CREB3L3: variants seen among roughly 807,000 people sequenced by gnomAD.
CREB3L3 encodes cAMP responsive element binding protein 3 like 3.
In CREB3L3, 40 loss-of-function variants were observed where a neutral mutation model predicts 44.6. The observed-to-expected ratio is 0.90, with a 90% CI of 0.70 to 1.17. The LOEUF is 1.17. Ranked by LOEUF, CREB3L3 falls within the 50% of genes most tolerant of loss-of-function variation. The pLI, the probability that CREB3L3 is intolerant of heterozygous loss-of-function variation, is 0.00. For synonymous variants in CREB3L3, 273 were observed against 256.3 expected, an observed-to-expected ratio of 1.06 and a Z score of -0.62; for missense variants, 578 against 595.8, an observed-to-expected ratio of 0.97 and a Z score of 0.31.
chr19:4,163,606 G>T (rs1053480149), intron 4 of CREB3L3, among the ~76,000 whole-genome samples: 2 of 151,974 alleles, frequency 1.3e-5, no homozygotes, highest in African/African-American at 4.8e-5. Context: ...CCTGCCTCCC[G>T]GGTTCAAGCG....
chr19:4,171,649 C>T lies in CREB3L3; in HGVS notation c.1073-7C>T. 1 of 1,613,336 alleles carries T rather than the reference C, an allele frequency of 6.2e-7. No homozygotes were observed. The highest frequency in any genetic ancestry group is 8.5e-7 in the Non-Finnish European group (1 of 1,179,942). On this transcript the variant is annotated splice_region_variant and splice_polypyrimidine_tract_variant and intron_variant, in intron 9 of 9. Coordinates refer to ENST00000078445, the MANE Select transcript of CREB3L3 (RefSeq NM_032607.3). The surrounding 1 kb of genome is among the most constrained non-coding windows in gnomAD (Gnocchi z 4.9). ...TGTCCCCTGTGATGCCCCCCTTCCC[C>T]AATCAGTGTTCTCCAGAACTTTGCA...
rs374532423 is a variant in CREB3L3 at position 4,170,123 on chromosome 19, C to T, written c.822-17C>T. On this transcript the variant is annotated splice_polypyrimidine_tract_variant and intron_variant, in intron 6 of 9. Coordinates refer to ENST00000078445, the MANE Select transcript of CREB3L3 (RefSeq NM_032607.3). Reference sequence around the variant, plus strand: ...GACTGGCATATGCTGAATGTCGATGCGTCTTCCTCCTTTCAGGATGTCAGC... The same window carrying T: ...GACTGGCATATGCTGAATGTCGATGTGTCTTCCTCCTTTCAGGATGTCAGC... 4.3e-6 allele frequency: 7 copies of T among 1,613,314 alleles called. No homozygotes were observed. The highest frequency in any genetic ancestry group is 1.3e-5 in the African/African-American group (1 of 74,878).
In CREB3L3 at chr19:4,155,428, G is replaced by A. The variant is rs574751200; in HGVS notation, c.156+401G>A. ...GGCTGGAGTGCAGTGGTGCCATCTC[G>A]GCTCACTGCAACCTCTGCCTCCCGG... On this transcript the variant is annotated intron_variant, in intron 2 of 9. Transcript: ENST00000078445. Among the ~76,000 whole-genome samples, 652 of 148,582 alleles carry A rather than the reference G, an allele frequency of 4.4e-3. 4 individuals are homozygous for A. Among genetic ancestry groups the A allele is most frequent in the Admixed American group, 9.8e-3 (144 of 14,692 alleles).
rs1346560025 is a variant in CREB3L3, at chr19:4,154,795, G to C, written c.28-104G>C. 3.2e-6 allele frequency: 5 copies of C among 1,555,292 alleles called. No individual in the cohort carries two copies. The African/African-American group carries it at 5.4e-5, about 17-fold the overall frequency. ...GCAGCTGGCCCAACCCGGAGGCAGA[G>C]CGGCAACTGAACTCTAGCCGGAAAG... On this transcript the variant is annotated intron_variant, in intron 1 of 9. Transcript: ENST00000078445.
At chr19:4,162,752 A>G (rs2041676024) in intron 4 of CREB3L3, among the ~76,000 whole-genome samples, 2 of 149,846 alleles carry the variant, frequency 1.3e-5, no homozygotes, top group African/African-American at 4.9e-5. Flanking sequence ...GCTGAAGTGG[A>G]CAGATTGCTT....
intron 3 of CREB3L3, among the ~76,000 whole-genome samples, chr19:4,157,849 C>CTAA (rs1310618432): frequency 6.6e-6 from 1 of 151,910 alleles, no homozygotes; most frequent in Non-Finnish European, 1.5e-5. Context: ...CCATGCCCAG[C>CTAA]TAATATTTAT....
In CREB3L3 at chr19:4,155,037, C is replaced by A; in HGVS notation, c.156+10C>A. 1 of 1,604,340 alleles carries A rather than the reference C, an allele frequency of 6.2e-7. No homozygotes were observed. The highest frequency in any genetic ancestry group is 8.5e-7 in the Non-Finnish European group (1 of 1,179,898). On this transcript the variant is annotated intron_variant, in intron 2 of 9. Transcript: ENST00000078445. ...TCACGTCAAGGACCAGGTGAGGAGT[C>A]CACTGCAGTTGCCCCGGGACCACAG...
chr19:4,157,127 C>A lies in CREB3L3; in HGVS notation c.289C>A (p.Pro97Thr). ...SGISEDLPSD[P>T]QDTPPRSGPA... The stretch of plus-strand genomic sequence containing the variant: ...CATCTCCGAAGACCTCCCCTCCGAC[C>A]CCCAGGACACCCCTCCACGCAGCGG... Residue 97 changes from proline (P) to threonine (T), a missense_variant, in exon 3 of 10, where the codon CCC (proline) becomes ACC (threonine). Pro to Thr is a conservative substitution (Grantham distance 38, BLOSUM62 -1). Transcript: ENST00000078445. 6.2e-7 allele frequency: 1 copy of A among 1,614,024 alleles called. No homozygotes were observed. Among genetic ancestry groups the A allele is most frequent in the South Asian group, 1.1e-5 (1 of 91,082 alleles).
Position 4,172,102 on chromosome 19 carries a change from A to G in CREB3L3, c.*133A>G. The stretch of plus-strand genomic sequence containing the variant: ...AGAGATGCCAGAATGGGGGAGGCAC[A>G]GCTCATAGCCACACACCCAGGGCCT... On this transcript the variant is annotated 3_prime_UTR_variant, in exon 10 of 10. Transcript: ENST00000078445. 5.1e-6 allele frequency: 5 copies of G among 975,586 alleles called. No homozygotes were observed. The highest frequency in any genetic ancestry group is 5.9e-6 in the Non-Finnish European group (4 of 678,022). The allele number at this position is 975,586 out of a possible 1,614,324, so 60.4% of individuals were successfully genotyped here.
At chr19:4,170,959 T>A (rs1427610541) in intron 7 of CREB3L3, 132 bp from the exon 8 acceptor site, 4 of 487,566 alleles carry the variant, frequency 8.2e-6, no homozygotes, top group Non-Finnish European at 1.5e-5. Flanking sequence ...ATAAAATAAA[T>A]AATAAAGAGC....
chr19:4,156,978 C>G lies in CREB3L3; in HGVS notation c.157-17C>G, dbSNP rs1273917981. On this transcript the variant is annotated splice_polypyrimidine_tract_variant and intron_variant, in intron 2 of 9. Transcript: ENST00000078445. ...GAGCACTTCCTAATTCCTACTACCC[C>G]TCCCTGTCCACCCCAGCAGGTCCTG... 2 of 1,613,898 alleles carry G rather than the reference C, an allele frequency of 1.2e-6. No individual in the cohort carries two copies. Among genetic ancestry groups the G allele is most frequent in the Non-Finnish European group, 1.7e-6 (2 of 1,179,860 alleles).
At chr19:4,169,711 C>T (rs1967001453) in intron 6 of CREB3L3, among the ~76,000 whole-genome samples, 1 of 151,128 alleles carries the variant, frequency 6.6e-6, no homozygotes, top group Non-Finnish European at 1.5e-5. Flanking sequence ...CCTGCCTTAG[C>T]CTCCCAAGTT....
intron 4 of CREB3L3, among the ~76,000 whole-genome samples, chr19:4,163,501 G>A (rs769156824): frequency 1.1e-4 from 16 of 152,122 alleles, no homozygotes; most frequent in Non-Finnish European, 2.2e-4. Context: ...CTGCTGCCAA[G>A]GGAGATTCTG....
intron 1 of CREB3L3, 114 bp from the exon 2 acceptor site, chr19:4,154,785 C>T (rs920011351): frequency 1.6e-5 from 24 of 1,518,858 alleles, no homozygotes; most frequent in South Asian, 7.9e-5. Flanking sequence ...TGGCCCAACC[C>T]GGAGGCAGAG....
At chr19:4,162,890 T>C (rs896164503) in intron 4 of CREB3L3, among the ~76,000 whole-genome samples, 1 of 152,040 alleles carries the variant, frequency 6.6e-6, no homozygotes, top group Non-Finnish European at 1.5e-5. Flanking sequence ...AGCTGGAGAA[T>C]CGCTTGAGCC....
Position 4,171,708 on chromosome 19 carries a change from T to C in CREB3L3, c.1125T>C (p.Ala375=), listed in dbSNP as rs1290409407. Reference sequence around the variant, plus strand: ...CTGCCTCCCGCGTGGCTGCTGATGCTGTGCCAGGCTCCGAGGCCCCAGGAC... The same window carrying C: ...CTGCCTCCCGCGTGGCTGCTGATGCCGTGCCAGGCTCCGAGGCCCCAGGAC... ...NDAASRVAAD[A]VPGSEAPGPR... is the part of the protein sequence containing the mutation. The change falls in exon 10 of 10, where the codon GCT becomes GCC. Residue 375 remains alanine (A), a synonymous_variant. Transcript: ENST00000078445. This position sits in a 1 kb window ranked among gnomAD's most constrained non-coding sequence, Gnocchi z 4.9. The C allele has an allele frequency of 1.2e-6, 2 of 1,613,192 alleles. No homozygotes were observed. Among genetic ancestry groups the C allele is most frequent in the African/African-American group, 2.7e-5 (2 of 74,902 alleles).
At position 4,157,090 on chromosome 19, in the gene CREB3L3, C is replaced by T; in HGVS notation, c.252C>T (p.Gly84=). ...LPSSPLWSPE[G]SDSGISEDLP... is the part of the protein sequence containing the mutation. ...GCTCCCCACTCTGGTCCCCCGAAGG[C>T]AGTGATAGTGGCATCTCCGAAGACC... The change falls in exon 3 of 10, where the codon GGC becomes GGT. Residue 84 remains glycine, a synonymous_variant. Coordinates refer to ENST00000078445, the MANE Select transcript of CREB3L3 (RefSeq NM_032607.3). The T allele has an allele frequency of 6.2e-7, 1 of 1,614,054 alleles. No individual in the cohort carries two copies. The highest frequency in any genetic ancestry group is 8.5e-7 in the Non-Finnish European group (1 of 1,179,980).
At chr19:4,167,352 A>G (rs12975861) in intron 5 of CREB3L3, among the ~76,000 whole-genome samples, 1 of 130,240 alleles carries the variant, frequency 7.7e-6, no homozygotes, top group African/African-American at 2.9e-5. Flanking sequence ...GAAAGAAAGA[A>G]AGAGAGAGAG....
At chr19:4,167,991 T>TTATTTATC (rs1966956575) in intron 5 of CREB3L3, among the ~76,000 whole-genome samples, 3 of 150,608 alleles carry the variant, frequency 2.0e-5, no homozygotes, top group African/African-American at 4.9e-5. Flanking sequence ...ATTTATTTAT[T>TTATTTATC]TATTTATTTA....
Sources: gnomAD v4.1 joint callset for allele counts (sites outside exome capture counted in the v4.1 genomes callset) on GRCh38, gnomAD v4.1.1 for gene constraint, Gnocchi (gnomAD v3.1) non-coding constraint, MANE v1.5 for transcripts, NCBI Gene and HGNC (gene_info 2026-07-23, HGNC 2026-07-21) for gene names.